Variants in GRHL2 observed in about 807,000 individuals in gnomAD.
GRHL2 encodes grainyhead-like protein 2 homolog.
A neutral mutation model predicts 83.8 loss-of-function variants in GRHL2; 21 were observed. The observed-to-expected ratio is 0.25, with a 90% CI of 0.18 to 0.36. The LOEUF is 0.36. Ranked by LOEUF, GRHL2 falls within the 10% of genes least tolerant of loss-of-function variation. The probability of loss-of-function intolerance (pLI) is 1.00; values close to 1 mark genes in which losing one functional copy is unlikely to be tolerated. For missense variants in GRHL2, 623 were observed against 781.8 expected (o/e 0.80, Z 2.42); for synonymous variants, 280 against 278.9 (o/e 1.00, Z -0.04).
At chr8:101,536,140 C>T (rs572989943) in intron 1 of GRHL2, among the ~76,000 whole-genome samples, 498 of 152,120 alleles carry the variant, frequency 3.3e-3, no homozygotes, top group Middle Eastern at 0.02. Flanking sequence ...TGGCTTAATT[C>T]CTTAAATTAA....
Position 101,558,779 on chromosome 8 carries a change from A to C in GRHL2, c.645A>C (p.Thr215=). Residue 215 remains threonine, a synonymous_variant, in exon 4 of 16, where the codon ACA becomes ACC. Transcript: ENST00000646743. Reference sequence around the variant, plus strand: ...ACCAGCGCAGCACTCCGGACAGCACATACAGCGAGAGCTTCAAGGACGCAG... The same window carrying C: ...ACCAGCGCAGCACTCCGGACAGCACCTACAGCGAGAGCTTCAAGGACGCAG... The part of the protein sequence containing the change: ...KDDQRSTPDS[T]YSESFKDAAT... The C allele has an allele frequency of 6.2e-7, 1 of 1,614,162 alleles. No homozygotes were observed. The highest frequency in any genetic ancestry group is 8.5e-7 in the Non-Finnish European group (1 of 1,180,022).
At chr8:101,673,378 C>CA (rs959081849), downstream of GRHL2, among the ~76,000 whole-genome samples, 89 of 151,534 alleles carry the variant, frequency 5.9e-4, no homozygotes, top group African/African-American at 2.1e-3. Context: ...AATTGGAAAA[C>CA]AAAAAAAGGC....
chr8:101,672,587 C>A (rs546199550), downstream of GRHL2, among the ~76,000 whole-genome samples: 7 of 151,844 alleles, frequency 4.6e-5, no homozygotes, highest in South Asian at 2.1e-4. Context: ...ATTGGTGTAC[C>A]TGAAAGTGAT....
chr8:101,672,511 A>T (rs1814227052), downstream of GRHL2, among the ~76,000 whole-genome samples: 1 of 151,708 alleles, frequency 6.6e-6, no homozygotes, highest in African/African-American at 2.4e-5. Flanking sequence ...AGAAAAAAGA[A>T]TAAGAAGAAA....
At chr8:101,633,413 C>T (rs1813226316) in intron 11 of GRHL2, among the ~76,000 whole-genome samples, 1 of 152,314 alleles carries the variant, frequency 6.6e-6, no homozygotes, top group Non-Finnish European at 1.5e-5. Flanking sequence ...AGCATGCAAA[C>T]ACTCAATGGA....
intron 8 of GRHL2, among the ~76,000 whole-genome samples, chr8:101,600,642 T>C (rs960753108): frequency 1.3e-5 from 2 of 152,254 alleles, no homozygotes; most frequent in Non-Finnish European, 2.9e-5. Context: ...GCAAGTTATC[T>C]GACCTCTCTG....
chr8:101,625,355 AAAAC>A (rs1363095313), intron 9 of GRHL2, among the ~76,000 whole-genome samples: 3 of 152,102 alleles, frequency 2.0e-5, no homozygotes, highest in Non-Finnish European at 2.9e-5. Flanking sequence ...AATAATAAGA[AAAAC>A]AAAGAATAAA....
At chr8:101,492,938 A>T in intron 1 of GRHL2, 149 bp downstream of exon 1, 2 of 750,190 alleles carry the variant, frequency 2.7e-6, no homozygotes, top group Non-Finnish European at 4.8e-6. Context: ...ACTTTTCCGC[A>T]TTATGTTTCT....
intron 1 of GRHL2, 81 bp downstream of exon 1, chr8:101,492,870 T>A: frequency 8.0e-7 from 1 of 1,246,774 alleles, no homozygotes; most frequent in South Asian, 1.2e-5. Context: ...TTTTTGTTTT[T>A]AAGTTGCTAT....
At chr8:101,588,454 G>A (rs1812212230) in intron 7 of GRHL2, among the ~76,000 whole-genome samples, 1 of 152,274 alleles carries the variant, frequency 6.6e-6, no homozygotes, top group Admixed American at 6.5e-5. Flanking sequence ...AATCATTCCT[G>A]CAACAAACTA....
At position 101,666,786 on chromosome 8, in the gene GRHL2, G is replaced by A; in HGVS notation, c.*83G>A. The A allele has an allele frequency of 2.4e-6, 2 of 835,526 alleles. No homozygotes were observed. Among genetic ancestry groups the A allele is most frequent in the Non-Finnish European group, 4.1e-6 (2 of 482,806 alleles). The allele number at this position is 835,526 out of a possible 1,614,324, so 51.8% of individuals were successfully genotyped here. ...ACAGAAGCCCCAGCCCCAGAACCTGGAGACCCATCTCCCCCATCTCACAAC... is the reference window on the plus strand; with the variant it reads ...ACAGAAGCCCCAGCCCCAGAACCTGAAGACCCATCTCCCCCATCTCACAAC... On this transcript the variant is annotated 3_prime_UTR_variant, in exon 16 of 16. Transcript: ENST00000646743.
chr8:101,586,022 C>G (rs1812156855), intron 7 of GRHL2, among the ~76,000 whole-genome samples: 1 of 150,634 alleles, frequency 6.6e-6, no homozygotes, highest in South Asian at 2.1e-4. Context: ...GACTCTCTTT[C>G]AAGCTATTGC....
intron 2 of GRHL2, among the ~76,000 whole-genome samples, chr8:101,546,916 T>C (rs1811278423): frequency 6.6e-6 from 1 of 152,204 alleles, no homozygotes; most frequent in African/African-American, 2.4e-5. Flanking sequence ...TACATAAAAC[T>C]CAAGTTGCAG....
chr8:101,513,599 A>G (rs1810510400), intron 1 of GRHL2, among the ~76,000 whole-genome samples: 1 of 145,074 alleles, frequency 6.9e-6, no homozygotes, highest in Admixed American at 7.3e-5. Flanking sequence ...GGTTCAAATG[A>G]TTCTCCTGTC....
chr8:101,600,762 G>A (rs1040264036), intron 8 of GRHL2, among the ~76,000 whole-genome samples: 1 of 152,204 alleles, frequency 6.6e-6, no homozygotes. Flanking sequence ...TGGGGAGGGA[G>A]GCCTGGAACC....
intron 3 of GRHL2, among the ~76,000 whole-genome samples, chr8:101,556,254 G>A (rs946902585): frequency 6.6e-6 from 1 of 152,148 alleles, no homozygotes; most frequent in Non-Finnish European, 1.5e-5. Context: ...ACCAAGCCCG[G>A]CCTCAGAAGA....
chr8:101,598,451 G>T (rs1475929520), intron 7 of GRHL2, among the ~76,000 whole-genome samples: 1 of 151,728 alleles, frequency 6.6e-6, no homozygotes, highest in East Asian at 1.9e-4. Flanking sequence ...TGTTAGCCAG[G>T]CTGGTCTCAA....
At chr8:101,578,677 G>A (rs971617910) in intron 7 of GRHL2, among the ~76,000 whole-genome samples, 21 of 152,210 alleles carry the variant, frequency 1.4e-4, no homozygotes, top group African/African-American at 4.8e-4. Context: ...GTCCAAATGA[G>A]TGTGGGCTAA....
chr8:101,495,050 T>A (rs1328154988), intron 1 of GRHL2, among the ~76,000 whole-genome samples: 1 of 152,260 alleles, frequency 6.6e-6, no homozygotes, highest in Non-Finnish European at 1.5e-5. Context: ...AGCCTCGTTT[T>A]CTTAATATTC....
Sources: gnomAD v4.1 joint callset for allele counts (sites outside exome capture counted in the v4.1 genomes callset) on GRCh38, gnomAD v4.1.1 for gene constraint, MANE v1.5 for transcripts, NCBI Gene and HGNC (gene_info 2026-07-23, HGNC 2026-07-21) for gene names.